Variants in CPNE4 observed in about 807,000 individuals in gnomAD.
CPNE4 encodes the protein copine-4.
A neutral mutation model predicts 67.9 loss-of-function variants in CPNE4; 25 were observed. That is an observed-to-expected ratio of 0.37 (90% confidence interval 0.27 to 0.51). The LOEUF (loss-of-function observed/expected upper bound fraction) is 0.51. Among genes scored for constraint, CPNE4 ranks in the 20% least tolerant of loss-of-function variants. The probability of loss-of-function intolerance (pLI) is 0.93; values close to 1 mark genes in which losing one functional copy is unlikely to be tolerated. For synonymous variants in CPNE4, 242 were observed against 244.9 expected (o/e 0.99, Z 0.11); for missense variants, 464 against 690.8 (o/e 0.67, Z 3.68).
intron 2 of CPNE4, among the ~76,000 whole-genome samples, chr3:131,853,493 T>C (rs1217488990): frequency 6.6e-6 from 1 of 151,830 alleles, no homozygotes; most frequent in Non-Finnish European, 1.5e-5. Flanking sequence ...AGAATATTTC[T>C]GTGGCTTTGG....
chr3:131,890,758 C>G (rs2088082660), intron 2 of CPNE4, among the ~76,000 whole-genome samples: 1 of 151,994 alleles, frequency 6.6e-6, no homozygotes, highest in South Asian at 2.1e-4. Flanking sequence ...GAAATATTAC[C>G]TAGCATTGAA....
At chr3:131,587,234 C>T (rs1183045994) in intron 8 of CPNE4, among the ~76,000 whole-genome samples, 4 of 152,156 alleles carry the variant, frequency 2.6e-5, no homozygotes, top group Non-Finnish European at 5.9e-5. Flanking sequence ...GTTAGAAATA[C>T]TCTCATCTAA....
intron 3 of CPNE4, among the ~76,000 whole-genome samples, chr3:131,713,117 T>G (rs1502671): frequency 6.6e-6 from 1 of 151,458 alleles, no homozygotes; most frequent in African/African-American, 2.4e-5. Flanking sequence ...CAGGACAGGC[T>G]CCTGTAGCTG....
intron 2 of CPNE4, among the ~76,000 whole-genome samples, chr3:131,882,869 A>G (rs1489171614): frequency 1.3e-5 from 2 of 151,758 alleles, no homozygotes; most frequent in Non-Finnish European, 2.9e-5. Flanking sequence ...GGCACCCGCC[A>G]CCACACCTGG....
chr3:132,009,052 T>G (rs998252476), intron 1 of CPNE4, among the ~76,000 whole-genome samples: 5 of 152,196 alleles, frequency 3.3e-5, no homozygotes, highest in Non-Finnish European at 7.4e-5. Context: ...GCACACAGAA[T>G]GCAGTGGGTC....
At chr3:131,853,768 A>G (rs1316106301) in intron 2 of CPNE4, among the ~76,000 whole-genome samples, 1 of 151,916 alleles carries the variant, frequency 6.6e-6, no homozygotes, top group Non-Finnish European at 1.5e-5. Context: ...GAAGATGTAT[A>G]GTAACCGATA....
chr3:131,635,688 T>G (rs1415612496), intron 7 of CPNE4, among the ~76,000 whole-genome samples: 1 of 152,076 alleles, frequency 6.6e-6, no homozygotes, highest in Non-Finnish European at 1.5e-5. Flanking sequence ...GACACATCAA[T>G]CTAATATCCT....
chr3:131,773,316 T>C (rs556054940), intron 2 of CPNE4, among the ~76,000 whole-genome samples: 1 of 151,704 alleles, frequency 6.6e-6, no homozygotes, highest in African/African-American at 2.4e-5. Context: ...TTTAAAATGA[T>C]AAAACAATAT....
chr3:131,696,303 G>A (rs1038315117), intron 5 of CPNE4, among the ~76,000 whole-genome samples: 5 of 152,060 alleles, frequency 3.3e-5, no homozygotes, highest in African/African-American at 4.8e-5. Flanking sequence ...ACATCTCACC[G>A]GTGGCATTTG....
chr3:131,705,854 TATTA>T (rs1161757621), intron 3 of CPNE4, among the ~76,000 whole-genome samples: 1 of 152,204 alleles, frequency 6.6e-6, no homozygotes, highest in African/African-American at 2.4e-5. Flanking sequence ...ACTGCTTGTG[TATTA>T]ATTATACACC....
chr3:131,657,862 C>T (rs1582972503), intron 7 of CPNE4, among the ~76,000 whole-genome samples: 2 of 152,046 alleles, frequency 1.3e-5, no homozygotes, highest in South Asian at 4.2e-4. Flanking sequence ...CCGTGCCCGG[C>T]CGAATTATCT....
intron 7 of CPNE4, among the ~76,000 whole-genome samples, chr3:131,641,490 C>T (rs144672582): frequency 0.012 from 1,822 of 152,014 alleles, 45 homozygotes; most frequent in African/African-American, 0.041. Context: ...GCAAAAATGG[C>T]CATGATAAAA....
intron 7 of CPNE4, among the ~76,000 whole-genome samples, chr3:131,645,467 T>A (rs2079642587): frequency 6.6e-6 from 1 of 152,208 alleles, no homozygotes; most frequent in Non-Finnish European, 1.5e-5. Flanking sequence ...ATGCTAAGTG[T>A]GTTGTTTTCA....
chr3:131,912,864 C>T (rs868472964), intron 1 of CPNE4, among the ~76,000 whole-genome samples: 1 of 152,152 alleles, frequency 6.6e-6, no homozygotes, highest in East Asian at 1.9e-4. Context: ...GCCTGAGATT[C>T]TGCTCCCAGA....
chr3:131,894,582 A>G (rs1332336242), intron 2 of CPNE4, among the ~76,000 whole-genome samples: 1 of 152,054 alleles, frequency 6.6e-6, no homozygotes, highest in Non-Finnish European at 1.5e-5. Context: ...TCAAAAGAAG[A>G]CATACATATG....
At chr3:131,959,200 C>T (rs1361807197) in intron 1 of CPNE4, among the ~76,000 whole-genome samples, 2 of 52,464 alleles carry the variant, frequency 3.8e-5, no homozygotes, top group Non-Finnish European at 7.0e-5. Flanking sequence ...CGGGGTTTCA[C>T]CGTTTTAGCC....
chr3:131,732,820 C>T (rs1391500540), intron 2 of CPNE4, among the ~76,000 whole-genome samples: 1 of 152,196 alleles, frequency 6.6e-6, no homozygotes, highest in African/African-American at 2.4e-5. Context: ...ATCTCAAGGG[C>T]AGGTGAAATT....
intron 1 of CPNE4, among the ~76,000 whole-genome samples, chr3:131,918,778 A>T (rs2070652234): frequency 1.3e-5 from 2 of 152,306 alleles, no homozygotes; most frequent in African/African-American, 4.8e-5. Flanking sequence ...TGAATCTCCA[A>T]AAAGGAGATA....
chr3:131,885,852 CA>C (rs898038160), intron 2 of CPNE4, among the ~76,000 whole-genome samples: 1 of 152,190 alleles, frequency 6.6e-6, no homozygotes, highest in Admixed American at 6.5e-5. Context: ...CATTTCTAAG[CA>C]GCAAAGCATT....
Sources: gnomAD v4.1 joint callset for allele counts (sites outside exome capture counted in the v4.1 genomes callset) on GRCh38, gnomAD v4.1.1 for gene constraint, MANE v1.5 for transcripts, NCBI Gene and HGNC (gene_info 2026-07-23, HGNC 2026-07-21) for gene names.